The following MYPN variants were observed in gnomAD, a reference collection of about 807,000 sequenced individuals.
The protein encoded by MYPN is myopalladin.
Under a neutral mutation model 129.4 loss-of-function variants are expected in MYPN, and 63 were observed. That is an observed-to-expected ratio of 0.49 (90% CI 0.40 to 0.60). The LOEUF is 0.60. Ranked by LOEUF, MYPN falls within the 20% of genes least tolerant of loss-of-function variation. MYPN has a pLI of 0.00. For missense variants in MYPN, 1,596 were observed against 1,635.4 expected, an observed-to-expected ratio of 0.98 and a Z score of 0.42; for synonymous variants, 629 against 600.9, an observed-to-expected ratio of 1.05 and a Z score of -0.68.
At chr10:68,159,118 A>G (rs1285460237) in intron 7 of MYPN, among the ~76,000 whole-genome samples, 3 of 152,206 alleles carry the variant, frequency 2.0e-5, no homozygotes. Flanking sequence ...GGCTTTTAAA[A>G]TATGTTGCCA....
rs1393004443 is a variant in MYPN, at chr10:68,122,149, A to AGCGGAGCAGGCTGCCAGTGAG, written c.716_736dup (p.Glu239_Ala245dup). ...AACAGCAGGAAGCCAAGAGGCGTGA[A>AGCGGAGCAGGCTGCCAGTGAG]GCGGAGCAGGCTGCCAGTGAGGCGG... is the stretch of plus-strand genomic sequence containing the variant. On this transcript the variant is annotated inframe_insertion, in exon 2 of 20. Transcript: ENST00000358913. 13 of 1,612,890 alleles carry AGCGGAGCAGGCTGCCAGTGAG rather than the reference A, an allele frequency of 8.1e-6. No homozygotes were observed. Among genetic ancestry groups the AGCGGAGCAGGCTGCCAGTGAG allele is most frequent in the Non-Finnish European group, 1.1e-5 (13 of 1,179,272 alleles).
intron 12 of MYPN, among the ~76,000 whole-genome samples, chr10:68,186,246 G>A (rs547358197): frequency 2.0e-5 from 3 of 152,166 alleles, no homozygotes; most frequent in South Asian, 2.1e-4. Flanking sequence ...AGTTTGAGAC[G>A]AGGCAGAGAG....
At chr10:68,204,360 T>G (rs1437514314) in intron 18 of MYPN, among the ~76,000 whole-genome samples, 5 of 152,198 alleles carry the variant, frequency 3.3e-5, no homozygotes, top group Non-Finnish European at 7.3e-5. Context: ...CACCCTAATG[T>G]GTCTCTCTGC....
rs112767496 is a variant in MYPN at position 68,163,521 on chromosome 10, C to T, written c.1483+1769C>T. On this transcript the variant is annotated intron_variant, in intron 8 of 19. Coordinates refer to ENST00000358913, the MANE Select transcript of MYPN (RefSeq NM_032578.4). ...GCGGATGCCTGTAATCCCAGCTACT[C>T]GGGAGGCTGAGGCGAGAGAATGGTG... Among the ~76,000 whole-genome samples the T allele has an allele frequency of 8.3e-3, 1,265 of 151,894 alleles. 12 individuals carry two copies. Among genetic ancestry groups the T allele is most frequent in the African/African-American group, 0.029 (1,196 of 41,414 alleles).
rs572573759 is a variant in MYPN at position 68,208,174 on chromosome 10, A to T, written c.3793+1271A>T. Among the ~76,000 whole-genome samples, 16 of 152,304 alleles carry T rather than the reference A, an allele frequency of 1.1e-4. No individual in the cohort carries two copies. The South Asian group carries it at 3.3e-3, about 32-fold the overall frequency. Reference sequence around the variant, plus strand: ...GAGTGGTTTTTTTAATCCTTTTTGAAAAAACATAATTGATTAGAAAATCTC... The same window carrying T: ...GAGTGGTTTTTTTAATCCTTTTTGATAAAACATAATTGATTAGAAAATCTC... On this transcript the variant is annotated intron_variant, in intron 19 of 19. Transcript: ENST00000358913.
chr10:68,164,036 T>A (rs908864384), intron 8 of MYPN, among the ~76,000 whole-genome samples: 3 of 152,046 alleles, frequency 2.0e-5, no homozygotes, highest in African/African-American at 7.2e-5. Context: ...CCAAGTAGAG[T>A]AGACAAAGCC....
At chr10:68,127,242 T>A (rs1008148051) in intron 2 of MYPN, among the ~76,000 whole-genome samples, 2 of 151,116 alleles carry the variant, frequency 1.3e-5, no homozygotes, top group Non-Finnish European at 2.9e-5. Context: ...TGACCTCAGG[T>A]GATCCACCTC....
At chr10:68,129,130 C>A (rs1326459754) in intron 2 of MYPN, among the ~76,000 whole-genome samples, 1 of 151,966 alleles carries the variant, frequency 6.6e-6, no homozygotes, top group Admixed American at 6.6e-5. Context: ...GATGGACAGG[C>A]AAATTCACAG....
At chr10:68,088,417 T>G (rs941986187) in intron 1 of MYPN, among the ~76,000 whole-genome samples, 2 of 152,172 alleles carry the variant, frequency 1.3e-5, no homozygotes, top group African/African-American at 4.8e-5. Context: ...GCAGAGCAAT[T>G]GAGCTGATTG....
In MYPN at chr10:68,199,496, G is replaced by A. The variant is rs1400617342; in HGVS notation, c.3414G>A (p.Gln1138=). The A allele has an allele frequency of 5.6e-6, 9 of 1,614,018 alleles. No individual in the cohort carries two copies. In the African/African-American group the frequency reaches 1.1e-4, roughly 19 times the overall value. ...VHSLLIDPLT[Q]RDAGTYKCIA... ...CTCTGCTCATTGACCCACTCACTCA[G>A]CGCGACGCAGGGACCTATAAGTGCA... The change falls in exon 17 of 20, where the codon CAG becomes CAA. Residue 1138 remains glutamine (Q), a synonymous_variant. Coordinates refer to ENST00000358913, the MANE Select transcript of MYPN (RefSeq NM_032578.4).
At chr10:68,114,672 GA>G (rs1387323076) in intron 1 of MYPN, among the ~76,000 whole-genome samples, 7 of 152,012 alleles carry the variant, frequency 4.6e-5, no homozygotes, top group Non-Finnish European at 8.8e-5. Flanking sequence ...AACATTTTCA[GA>G]AAGTTCTTAG....
rs547607762 is a variant in MYPN, at chr10:68,207,765, G to C, written c.3793+862G>C. Among the ~76,000 whole-genome samples, 364 of 152,260 alleles carry C rather than the reference G, an allele frequency of 2.4e-3. 4 individuals carry two copies. Among genetic ancestry groups the C allele is most frequent in the African/African-American group, 8.4e-3 (347 of 41,542 alleles). ...ACCTTTAAATCTCCCAGACCCATGA[G>C]ATTATTATAATTGTAGTTACCTTCA... On this transcript the variant is annotated intron_variant, in intron 19 of 19. Transcript: ENST00000358913.
intron 6 of MYPN, chr10:68,158,213 G>A (rs1354940265): frequency 2.2e-5 from 9 of 409,262 alleles, no homozygotes; most frequent in Non-Finnish European, 3.1e-5. Context: ...GAAGCTGTGC[G>A]CTCAGTGGAA....
At chr10:68,144,995 G>A (rs1564660315) in intron 3 of MYPN, among the ~76,000 whole-genome samples, 2 of 151,906 alleles carry the variant, frequency 1.3e-5, no homozygotes, top group Admixed American at 6.6e-5. Flanking sequence ...TGTCAAGTTG[G>A]GTGTTAGTGT....
chr10:68,145,438 A>G (rs780242671), intron 3 of MYPN, 37 bp from the exon 4 acceptor site: 13 of 1,563,240 alleles, frequency 8.3e-6, no homozygotes, highest in Admixed American at 1.7e-5. Context: ...AGAAATTGTC[A>G]TCTTAACAAT....
At chr10:68,137,562 T>C (rs2042506474) in intron 2 of MYPN, among the ~76,000 whole-genome samples, 1 of 152,222 alleles carries the variant, frequency 6.6e-6, no homozygotes, top group Non-Finnish European at 1.5e-5. Flanking sequence ...GGAAAATTAG[T>C]AATGCAGATC....
rs558156071 is a variant in MYPN at position 68,169,897 on chromosome 10, G to A, written c.1973+3231G>A. 2.0e-5 allele frequency among the ~76,000 whole-genome samples: 3 copies of A among 152,048 alleles called. No homozygotes were observed. In the South Asian group the frequency reaches 6.2e-4, roughly 32 times the overall value. ...TGTGATTACAGGTGCACACCACCACGCCTGGATAATTTTTGTATTTTTAGC... is the reference window on the plus strand; with the variant it reads ...TGTGATTACAGGTGCACACCACCACACCTGGATAATTTTTGTATTTTTAGC... On this transcript the variant is annotated intron_variant, in intron 10 of 19. Transcript: ENST00000358913.
upstream of MYPN, among the ~76,000 whole-genome samples, chr10:68,102,717 A>C (rs2041987782): frequency 6.6e-6 from 1 of 152,146 alleles, no homozygotes; most frequent in Non-Finnish European, 1.5e-5. Flanking sequence ...AGCTCTTGGA[A>C]TATTTTCTTT....
chr10:68,104,067 A>G (rs553201636), upstream of MYPN, among the ~76,000 whole-genome samples: 4 of 152,332 alleles, frequency 2.6e-5, no homozygotes, highest in South Asian at 6.2e-4. Flanking sequence ...TCCCAGTAAC[A>G]TGCAGATAAC....
Sources: gnomAD v4.1 joint callset for allele counts (sites outside exome capture counted in the v4.1 genomes callset) on GRCh38, gnomAD v4.1.1 for gene constraint, MANE v1.5 for transcripts, NCBI Gene and HGNC (gene_info 2026-07-23, HGNC 2026-07-21) for gene names.